Variants in MCM9 observed in about 807,000 individuals in gnomAD.
The protein encoded by MCM9 is minichromosome maintenance 9 homologous recombination repair factor.
A neutral mutation model predicts 72.8 loss-of-function variants in MCM9; 55 were observed. The observed-to-expected ratio is 0.76, with a 90% confidence interval of 0.61 to 0.95. The LOEUF is 0.95. Ranked by LOEUF, MCM9 falls within the 40% of genes least tolerant of loss-of-function variation. The pLI is 0.00. For missense variants in MCM9, 1,279 were observed against 1,377.0 expected (o/e 0.93, Z 1.13); for synonymous variants, 480 against 503.4 (o/e 0.95, Z 0.62).
At chr6:118,852,245 CA>C (rs747627542) in intron 9 of MCM9, among the ~76,000 whole-genome samples, 2 of 152,076 alleles carry the variant, frequency 1.3e-5, no homozygotes, top group Non-Finnish European at 2.9e-5. Flanking sequence ...CCATCACTGG[CA>C]AAAATGTTAT....
At chr6:118,923,627 G>T (rs1475573816) in intron 4 of MCM9, among the ~76,000 whole-genome samples, 184 bp downstream of exon 4, 2 of 152,024 alleles carry the variant, frequency 1.3e-5, no homozygotes, top group African/African-American at 4.8e-5. Context: ...CACCTAAAAA[G>T]GATGATTGCA....
chr6:118,890,112 G>C (rs1778849933), intron 8 of MCM9, among the ~76,000 whole-genome samples: 1 of 152,140 alleles, frequency 6.6e-6, no homozygotes, highest in South Asian at 2.1e-4. Context: ...CTTTGCCTTG[G>C]CTGGGTCTCC....
intron 8 of MCM9, among the ~76,000 whole-genome samples, chr6:118,886,730 G>C (rs1778631724): frequency 6.6e-6 from 1 of 152,148 alleles, no homozygotes; most frequent in African/African-American, 2.4e-5. Context: ...GAAGTGGGAG[G>C]GTGGCTTGAG....
At chr6:118,910,355 C>G (rs1780456603) in intron 8 of MCM9, among the ~76,000 whole-genome samples, 1 of 152,082 alleles carries the variant, frequency 6.6e-6, no homozygotes, top group Admixed American at 6.5e-5. Context: ...GTAGCAATAA[C>G]TATTCTATAA....
intron 8 of MCM9, among the ~76,000 whole-genome samples, chr6:118,890,493 G>A (rs907378330): frequency 8.5e-5 from 13 of 152,230 alleles, no homozygotes; most frequent in Middle Eastern, 3.4e-3. Flanking sequence ...CTGGTTACAG[G>A]TGCATCTAAC....
chr6:118,907,115 T>C (rs1663745666), intron 8 of MCM9, among the ~76,000 whole-genome samples: 1 of 152,228 alleles, frequency 6.6e-6, no homozygotes, highest in Non-Finnish European at 1.5e-5. Flanking sequence ...GAGGAGATTC[T>C]TTCTTTTAGA....
chr6:118,848,060 C>T (rs1244023006), intron 9 of MCM9, among the ~76,000 whole-genome samples: 2 of 151,876 alleles, frequency 1.3e-5, no homozygotes, highest in African/African-American at 2.4e-5. Flanking sequence ...AGAGGATGGG[C>T]TTCATTCAAC....
intron 9 of MCM9, among the ~76,000 whole-genome samples, chr6:118,830,287 A>G (rs1364497797): frequency 6.6e-6 from 1 of 152,220 alleles, no homozygotes; most frequent in Non-Finnish European, 1.5e-5. Flanking sequence ...CATCAGCAAC[A>G]TGTATTACAT....
At chr6:118,837,609 T>A (rs570023427) in intron 9 of MCM9, among the ~76,000 whole-genome samples, 2 of 152,226 alleles carry the variant, frequency 1.3e-5, no homozygotes, top group Non-Finnish European at 2.9e-5. Context: ...ATTGATCCCT[T>A]TACCATTATG....
At chr6:118,843,641 C>CATATATATATAT (rs763509537) in intron 9 of MCM9, among the ~76,000 whole-genome samples, 1 of 66,270 alleles carries the variant, frequency 1.5e-5, no homozygotes, top group African/African-American at 7.9e-5. Context: ...CAAAACAAAA[C>CATATATATATAT]ATATATATAT....
intron 8 of MCM9, among the ~76,000 whole-genome samples, chr6:118,903,683 G>A (rs1360378871): frequency 6.6e-6 from 1 of 152,300 alleles, no homozygotes. Flanking sequence ...AATTTTTCAG[G>A]ATGTGAGCGA....
intron 8 of MCM9, among the ~76,000 whole-genome samples, chr6:118,875,968 T>C (rs1777909045): frequency 6.6e-6 from 1 of 152,178 alleles, no homozygotes; most frequent in Non-Finnish European, 1.5e-5. Flanking sequence ...TTGCCGAAAC[T>C]TGGGGGCAAC....
chr6:118,872,621 C>G (rs1273996407), intron 8 of MCM9, among the ~76,000 whole-genome samples: 1 of 151,766 alleles, frequency 6.6e-6, no homozygotes, highest in Admixed American at 6.6e-5. Flanking sequence ...AAGATGCAAT[C>G]TACCTCTACA....
intron 3 of MCM9, among the ~76,000 whole-genome samples, chr6:118,930,624 C>CA (rs1364234540): frequency 6.6e-6 from 1 of 152,124 alleles, no homozygotes; most frequent in Non-Finnish European, 1.5e-5. Flanking sequence ...AAGTGGTTTG[C>CA]AAGTGAAGAA....
chr6:118,897,624 TC>T (rs1779517238), intron 8 of MCM9, among the ~76,000 whole-genome samples: 1 of 152,042 alleles, frequency 6.6e-6, no homozygotes, highest in South Asian at 2.1e-4. Context: ...CTTGATGACT[TC>T]CCTCATTCAC....
intron 8 of MCM9, among the ~76,000 whole-genome samples, chr6:118,873,307 G>A (rs1201608688): frequency 6.6e-6 from 1 of 151,730 alleles, no homozygotes; most frequent in Non-Finnish European, 1.5e-5. Context: ...GAGAAGAAAG[G>A]AAGTCTACAC....
At chr6:118,888,127 G>A (rs1778713119) in intron 8 of MCM9, among the ~76,000 whole-genome samples, 1 of 152,166 alleles carries the variant, frequency 6.6e-6, no homozygotes, top group Admixed American at 6.5e-5. Context: ...AGAACAGCAA[G>A]TGTTGGTGGG....
At chr6:118,871,603 C>T (rs1329038052) in intron 8 of MCM9, among the ~76,000 whole-genome samples, 1 of 152,212 alleles carries the variant, frequency 6.6e-6, no homozygotes, top group Non-Finnish European at 1.5e-5. Flanking sequence ...TCCTGTTCAA[C>T]ATAGTATTAC....
chr6:118,911,332 T>C (rs72966851), intron 8 of MCM9: 47,828 of 1,054,186 alleles, frequency 0.045, 1,419 homozygotes, highest in East Asian at 0.19. Flanking sequence ...CCCTCTTTAG[T>C]TTAACATTCC....
Sources: allele counts gnomAD v4.1 joint callset (sites outside exome capture counted in the v4.1 genomes callset), GRCh38; gene constraint gnomAD v4.1.1; transcripts MANE v1.5; gene names NCBI Gene and HGNC (gene_info 2026-07-23, HGNC 2026-07-21).